SLC35F3: variants seen among roughly 807,000 people sequenced by gnomAD.
The protein encoded by SLC35F3 is solute carrier family 35 member F3.
A neutral mutation model predicts 49.9 loss-of-function variants in SLC35F3; 25 were observed. The observed-to-expected ratio is 0.50, with a 90% CI of 0.37 to 0.70. SLC35F3 has a LOEUF of 0.70. SLC35F3 is among the 30% of genes least tolerant of loss of function. The pLI is 0.00. For synonymous variants in SLC35F3, 275 were observed against 265.4 expected (o/e 1.04, Z -0.35); for missense variants, 525 against 639.8 (o/e 0.82, Z 1.94).
chr1:233,911,718 A>G (rs1223020456), intron 2 of SLC35F3, among the ~76,000 whole-genome samples: 2 of 152,206 alleles, frequency 1.3e-5, no homozygotes, highest in East Asian at 3.9e-4. Context: ...ATGTGCCAGA[A>G]TACAGAGATA....
chr1:234,238,950 C>T (rs1361264571), intron 3 of SLC35F3, among the ~76,000 whole-genome samples: 1 of 152,140 alleles, frequency 6.6e-6, no homozygotes, highest in African/African-American at 2.4e-5. Flanking sequence ...AATGTTATTT[C>T]AATTTCACTG....
At chr1:234,188,038 C>G (rs879139381) in intron 2 of SLC35F3, among the ~76,000 whole-genome samples, 1 of 152,190 alleles carries the variant, frequency 6.6e-6, no homozygotes, top group African/African-American at 2.4e-5. Flanking sequence ...GAGATCGAGA[C>G]CATCCTGGCT....
intron 2 of SLC35F3, among the ~76,000 whole-genome samples, chr1:234,055,227 G>A (rs1664439158): frequency 6.6e-6 from 1 of 152,144 alleles, no homozygotes; most frequent in Admixed American, 6.5e-5. Context: ...GTTCAGCTAT[G>A]CCCTGCCCCC....
intron 2 of SLC35F3, among the ~76,000 whole-genome samples, chr1:234,066,850 A>T (rs1425068534): frequency 1.3e-5 from 2 of 149,792 alleles, no homozygotes; most frequent in Admixed American, 6.7e-5. Context: ...ACACACACAC[A>T]CACACACACA....
intron 2 of SLC35F3, among the ~76,000 whole-genome samples, chr1:234,009,785 A>G (rs533330011): frequency 1.3e-5 from 2 of 152,206 alleles, no homozygotes; most frequent in African/African-American, 2.4e-5. Context: ...GTGAATCCCA[A>G]TATGACTATC....
At chr1:234,262,726 C>A (rs142269141) in intron 3 of SLC35F3, among the ~76,000 whole-genome samples, 164 of 152,296 alleles carry the variant, frequency 1.1e-3, no homozygotes, top group African/African-American at 3.6e-3. Context: ...GTACAGAATG[C>A]GGTTCCGGTT....
intron 2 of SLC35F3, among the ~76,000 whole-genome samples, chr1:234,119,086 T>C (rs892928849): frequency 1.3e-5 from 2 of 152,126 alleles, no homozygotes; most frequent in African/African-American, 2.4e-5. Context: ...TAGATCCCTG[T>C]ACATCAATCA....
At chr1:234,155,148 T>A (rs1666131723) in intron 2 of SLC35F3, among the ~76,000 whole-genome samples, 1 of 152,184 alleles carries the variant, frequency 6.6e-6, no homozygotes, top group Non-Finnish European at 1.5e-5. Flanking sequence ...TGTTCAAATA[T>A]TTTCAATCCG....
chr1:234,005,116 C>G (rs1050453035), intron 2 of SLC35F3, among the ~76,000 whole-genome samples: 2 of 152,002 alleles, frequency 1.3e-5, no homozygotes, highest in African/African-American at 2.4e-5. Flanking sequence ...CTCGTTGATT[C>G]CTTCAAGCCT....
At chr1:234,268,030 G>A (rs540763727) in intron 3 of SLC35F3, among the ~76,000 whole-genome samples, 2 of 151,820 alleles carry the variant, frequency 1.3e-5, no homozygotes, top group East Asian at 2.0e-4. Context: ...AAGCAGAGAC[G>A]CTCCTCACTT....
At chr1:233,929,919 C>G (rs1662215423) in intron 2 of SLC35F3, among the ~76,000 whole-genome samples, 1 of 152,072 alleles carries the variant, frequency 6.6e-6, no homozygotes, top group Non-Finnish European at 1.5e-5. Flanking sequence ...GAGTGACTTT[C>G]TAGAGATAGA....
chr1:234,243,955 G>C (rs1029014616), intron 3 of SLC35F3, among the ~76,000 whole-genome samples: 1 of 152,200 alleles, frequency 6.6e-6, no homozygotes, highest in Admixed American at 6.5e-5. Flanking sequence ...GAATCCCCAG[G>C]CTTCAAGGGA....
chr1:233,999,989 C>T (rs1663526027), intron 2 of SLC35F3, among the ~76,000 whole-genome samples: 1 of 152,166 alleles, frequency 6.6e-6, no homozygotes, highest in Non-Finnish European at 1.5e-5. Context: ...CCTGAACTCT[C>T]TCGCACAATA....
intron 2 of SLC35F3, among the ~76,000 whole-genome samples, chr1:234,091,641 T>C (rs1428416149): frequency 6.6e-6 from 1 of 152,254 alleles, no homozygotes. Context: ...GTTTGTGGTC[T>C]TCTAAACCTT....
intron 2 of SLC35F3, among the ~76,000 whole-genome samples, chr1:233,951,736 T>TG (rs1558187567): frequency 6.6e-6 from 1 of 151,852 alleles, no homozygotes; most frequent in Non-Finnish European, 1.5e-5. Context: ...GTGTGTGTGT[T>TG]TTGTTTTGTT....
At chr1:234,232,518 T>TCAAAA (rs1490350719) in intron 3 of SLC35F3, among the ~76,000 whole-genome samples, 1 of 6,742 alleles carries the variant, frequency 1.5e-4, no homozygotes, top group Non-Finnish European at 3.1e-4. Context: ...TCAGGCCTAG[T>TCAAAA]CAAAAAAAAA....
chr1:234,031,265 T>C (rs1052318349), intron 2 of SLC35F3, among the ~76,000 whole-genome samples: 6 of 152,196 alleles, frequency 3.9e-5, no homozygotes, highest in Non-Finnish European at 5.9e-5. Flanking sequence ...CAAAGGACCA[T>C]ATTGTGGGTT....
intron 2 of SLC35F3, among the ~76,000 whole-genome samples, chr1:233,935,717 T>C (rs908165420): frequency 6.6e-6 from 1 of 152,138 alleles, no homozygotes; most frequent in African/African-American, 2.4e-5. Context: ...AGCTACTTAG[T>C]GGAGGCTCAG....
intron 2 of SLC35F3, among the ~76,000 whole-genome samples, chr1:233,964,965 G>A (rs1426501780): frequency 2.0e-5 from 3 of 152,214 alleles, no homozygotes; most frequent in Non-Finnish European, 2.9e-5. Context: ...ATTCTTATAA[G>A]TGATGTTTTT....
Sources: allele counts gnomAD v4.1 joint callset (sites outside exome capture counted in the v4.1 genomes callset), GRCh38; gene constraint gnomAD v4.1.1; transcripts MANE v1.5; gene names NCBI Gene and HGNC (gene_info 2026-07-23, HGNC 2026-07-21).